RORA: variants seen among roughly 807,000 people sequenced by gnomAD.
RORA encodes RAR related orphan receptor A.
A neutral mutation model predicts 69.5 loss-of-function variants in RORA; 7 were observed. The observed-to-expected ratio is 0.10, with a 90% CI of 0.06 to 0.19. The LOEUF (loss-of-function observed/expected upper bound fraction) is 0.19. Ranked by LOEUF, RORA falls within the 10% of genes least tolerant of loss-of-function variation. RORA has a pLI of 1.00. For missense variants in RORA, 457 were observed against 663.0 expected, an observed-to-expected ratio of 0.69 and a Z score of 3.41; for synonymous variants, 261 against 240.8, an observed-to-expected ratio of 1.08 and a Z score of -0.78.
intron 1 of RORA, among the ~76,000 whole-genome samples, chr15:60,940,285 G>C (rs1680356958): frequency 6.6e-6 from 1 of 152,046 alleles, no homozygotes; most frequent in South Asian, 2.1e-4. Context: ...AATTGGTAAG[G>C]AATAAACAAA....
intron 1 of RORA, among the ~76,000 whole-genome samples, chr15:60,774,660 T>C (rs2140884499): frequency 6.6e-6 from 1 of 152,336 alleles, no homozygotes; most frequent in Non-Finnish European, 1.5e-5. Flanking sequence ...AGTCTTTATC[T>C]TCCTTTACAC....
intron 1 of RORA, among the ~76,000 whole-genome samples, chr15:61,047,584 G>A (rs1425666715): frequency 6.6e-6 from 1 of 151,308 alleles, no homozygotes; most frequent in East Asian, 1.9e-4. Context: ...TCAGGATAAA[G>A]GTGTCGAGAA....
intron 2 of RORA, among the ~76,000 whole-genome samples, chr15:60,597,605 T>TACAC (rs1567115555): frequency 4.5e-5 from 2 of 44,556 alleles, no homozygotes; most frequent in African/African-American, 2.2e-4. Context: ...CACATATATA[T>TACAC]ATATATATAT....
chr15:61,002,887 T>A (rs548567994), intron 1 of RORA, among the ~76,000 whole-genome samples: 23 of 151,790 alleles, frequency 1.5e-4, no homozygotes, highest in Admixed American at 1.4e-3. Flanking sequence ...ATCCCAGCAC[T>A]TTGGGAAGAA....
chr15:60,888,791 G>C (rs1376473304), intron 1 of RORA, among the ~76,000 whole-genome samples: 2 of 152,052 alleles, frequency 1.3e-5, no homozygotes, highest in East Asian at 3.9e-4. Flanking sequence ...TCCGGGAGAG[G>C]TGAACCTGCT....
chr15:60,842,824 T>A (rs2073216654), intron 1 of RORA, among the ~76,000 whole-genome samples: 1 of 151,858 alleles, frequency 6.6e-6, no homozygotes, highest in South Asian at 2.1e-4. Flanking sequence ...GCCTTCAAAG[T>A]AGAAGATCGG....
chr15:61,227,927 G>T (rs1827006812), intron 1 of RORA, among the ~76,000 whole-genome samples: 1 of 152,002 alleles, frequency 6.6e-6, no homozygotes, highest in African/African-American at 2.4e-5. Flanking sequence ...CCCCACTCTC[G>T]AGAAAAACAC....
chr15:60,514,834 A>G (rs2065811266), intron 3 of RORA, 77 bp from the exon 4 acceptor site: 2 of 1,065,766 alleles, frequency 1.9e-6, no homozygotes, highest in Non-Finnish European at 2.8e-6. Context: ...GATGCTAAGC[A>G]CTGAGTGGCA....
intron 1 of RORA, among the ~76,000 whole-genome samples, chr15:61,058,732 T>G (rs751326302): frequency 1.5e-4 from 23 of 152,188 alleles, no homozygotes; most frequent in Non-Finnish European, 2.5e-4. Context: ...CTTAACCAGA[T>G]AGAACACACT....
chr15:61,173,721 C>T (rs913167101), intron 1 of RORA, among the ~76,000 whole-genome samples: 8 of 152,072 alleles, frequency 5.3e-5, no homozygotes, highest in Admixed American at 3.3e-4. Flanking sequence ...AGTGGCGTGA[C>T]CACGGCTCAC....
At chr15:60,910,884 TTG>T (rs1891688476) in intron 1 of RORA, among the ~76,000 whole-genome samples, 6 of 145,478 alleles carry the variant, frequency 4.1e-5, no homozygotes, top group African/African-American at 5.1e-5. Context: ...TGTTTTTTTT[TTG>T]TTGTTGTTGT....
Position 61,150,640 on chromosome 15 carries a change from G to A in RORA, c.166+78413C>T, listed in dbSNP as rs139093651. Among the ~76,000 whole-genome samples the A allele has an allele frequency of 9.9e-5, 15 of 152,108 alleles. No individual in the cohort carries two copies. The East Asian group carries it at 2.5e-3, about 25-fold the overall frequency. On this transcript the variant is annotated intron_variant, in intron 1 of 10. Coordinates refer to ENST00000335670, the MANE Select transcript of RORA (RefSeq NM_134261.3). ...ACTTATTTAAAGATTCAAGGTTTTC[G>A]CTGAAATGAGGCATAGATGACTAAA... is the stretch of plus-strand genomic sequence containing the variant.
rs1201589707 is a variant in RORA, at chr15:60,489,475, T to C, written c.*7980A>G. 6.6e-6 allele frequency: 1 copy of C among 152,228 alleles called. No homozygotes were observed. Among genetic ancestry groups the C allele is most frequent in the Non-Finnish European group, 1.5e-5 (1 of 68,040 alleles). The allele number at this position is 152,228 out of a possible 1,614,324, so 9.4% of individuals were successfully genotyped here. A position where few individuals can be genotyped will look rare whatever the true frequency, so the allele number is the denominator to read the frequency against. On this transcript the variant is annotated 3_prime_UTR_variant, in exon 11 of 11. Coordinates refer to ENST00000335670, the MANE Select transcript of RORA (RefSeq NM_134261.3). The stretch of plus-strand genomic sequence containing the variant: ...AATATTACAGAACAATTCTAATCAA[T>C]ATTTAATAAGGTTAACTACATCCTT...
intron 1 of RORA, among the ~76,000 whole-genome samples, chr15:61,105,706 C>G (rs917439934): frequency 6.6e-6 from 1 of 152,160 alleles, no homozygotes; most frequent in African/African-American, 2.4e-5. Context: ...GCTCAGAGTC[C>G]TAGGTTCAAA....
intron 1 of RORA, among the ~76,000 whole-genome samples, chr15:61,183,843 T>A (rs1489717399): frequency 6.6e-6 from 1 of 152,158 alleles, no homozygotes; most frequent in Non-Finnish European, 1.5e-5. Flanking sequence ...TGGGTTACAA[T>A]CAATAGTCTC....
At chr15:60,594,178 T>C (rs978940515) in intron 2 of RORA, among the ~76,000 whole-genome samples, 2 of 152,210 alleles carry the variant, frequency 1.3e-5, no homozygotes, top group African/African-American at 2.4e-5. Context: ...TGTCCAGCCA[T>C]AGCAAAGTGG....
intron 1 of RORA, among the ~76,000 whole-genome samples, chr15:60,755,724 T>C (rs546054594): frequency 1.6e-4 from 24 of 152,326 alleles, no homozygotes; most frequent in South Asian, 6.2e-4. Context: ...GAAATGGTTG[T>C]GGGATACATG....
At chr15:60,859,493 G>A (rs1049059222) in intron 1 of RORA, among the ~76,000 whole-genome samples, 3 of 97,416 alleles carry the variant, frequency 3.1e-5, no homozygotes, top group Non-Finnish European at 6.4e-5. Flanking sequence ...TTTTTTTTTT[G>A]AGACAGGGTC....
chr15:61,112,297 C>A (rs139135419), intron 1 of RORA, among the ~76,000 whole-genome samples: 94 of 152,222 alleles, frequency 6.2e-4, no homozygotes, highest in African/African-American at 2.1e-3. Flanking sequence ...GACTGGGGGG[C>A]ATGGGGCCAG....
Sources: gnomAD v4.1 joint callset for allele counts (sites outside exome capture counted in the v4.1 genomes callset) on GRCh38, gnomAD v4.1.1 for gene constraint, MANE v1.5 for transcripts, NCBI Gene and HGNC (gene_info 2026-07-23, HGNC 2026-07-21) for gene names.